The following SAMMSON variants were observed in gnomAD, a reference collection of about 807,000 sequenced individuals.
The protein encoded by SAMMSON is survival associated mitochondrial melanoma specific oncogenic non-coding RNA.
At chr3:70,234,214 C>A (rs1223734369) in intron 4 of SAMMSON, among the ~76,000 whole-genome samples, 1 of 152,168 alleles carries the variant, frequency 6.6e-6, no homozygotes, top group African/African-American at 2.4e-5. Flanking sequence ...GTATTCTAGA[C>A]ACTTAGAGGG....
intron 4 of SAMMSON, among the ~76,000 whole-genome samples, chr3:70,098,309 C>T (rs1356837493): frequency 6.6e-6 from 1 of 152,166 alleles, no homozygotes; most frequent in Non-Finnish European, 1.5e-5. Flanking sequence ...GCCTCTCTCC[C>T]TTCCCTCCTA....
intron 4 of SAMMSON, among the ~76,000 whole-genome samples, chr3:70,192,167 C>A (rs905397299): frequency 6.6e-6 from 1 of 152,148 alleles, no homozygotes; most frequent in East Asian, 1.9e-4. Context: ...CCCCTTTCCC[C>A]CAAAGTGCCC....
chr3:70,371,003 G>T (rs1358420612), intron 9 of SAMMSON, among the ~76,000 whole-genome samples: 1 of 152,046 alleles, frequency 6.6e-6, no homozygotes, highest in Non-Finnish European at 1.5e-5. Context: ...AACAGTGAGA[G>T]AAATGATTCC....
At chr3:70,144,352 A>G (rs1196675844) in intron 4 of SAMMSON, among the ~76,000 whole-genome samples, 1 of 152,032 alleles carries the variant, frequency 6.6e-6, no homozygotes, top group Non-Finnish European at 1.5e-5. Context: ...GAGAAAAACT[A>G]TAGTAGGTCC....
intron 4 of SAMMSON, among the ~76,000 whole-genome samples, chr3:70,088,285 T>A (rs908672299): frequency 1.3e-5 from 2 of 152,188 alleles, no homozygotes; most frequent in Non-Finnish European, 2.9e-5. Context: ...GTGTTCTGAT[T>A]GATTAAACCT....
intron 1 of SAMMSON, among the ~76,000 whole-genome samples, chr3:70,003,517 T>A (rs574643710): frequency 6.6e-6 from 1 of 151,994 alleles, no homozygotes; most frequent in African/African-American, 2.4e-5. Context: ...ATTAAATCTA[T>A]CTTTGACATA....
At chr3:70,312,804 C>T (rs1335613150) in intron 7 of SAMMSON, 3 of 151,772 alleles carry the variant, frequency 2.0e-5, no homozygotes, top group Non-Finnish European at 2.9e-5. Context: ...CTTCTCCAGG[C>T]TAGCACTTAT....
intron 4 of SAMMSON, among the ~76,000 whole-genome samples, chr3:70,181,526 C>A (rs542994732): frequency 1.3e-5 from 2 of 152,158 alleles, no homozygotes; most frequent in African/African-American, 2.4e-5. Context: ...CTTCTTAACC[C>A]GCAGTTTCCT....
chr3:70,329,065 C>T (rs554083729), intron 7 of SAMMSON, among the ~76,000 whole-genome samples: 1 of 152,206 alleles, frequency 6.6e-6, no homozygotes, highest in Non-Finnish European at 1.5e-5. Context: ...GCTAGCAATA[C>T]AGTACCAAAT....
chr3:70,306,418 GT>G (rs1209144999), intron 7 of SAMMSON, among the ~76,000 whole-genome samples: 2 of 152,098 alleles, frequency 1.3e-5, no homozygotes, highest in Non-Finnish European at 2.9e-5. Context: ...GCCAATAATC[GT>G]TTTTATATCA....
At chr3:70,025,677 C>CA (rs1204794207) in intron 3 of SAMMSON, among the ~76,000 whole-genome samples, 2 of 152,210 alleles carry the variant, frequency 1.3e-5, no homozygotes, top group Non-Finnish European at 2.9e-5. Flanking sequence ...CCACGCGGTT[C>CA]ACAATCTGAG....
chr3:70,086,427 A>T, intron 4 of SAMMSON, among the ~76,000 whole-genome samples: 1 of 152,332 alleles, frequency 6.6e-6, no homozygotes, highest in East Asian at 1.9e-4. Flanking sequence ...AAAGATAGAG[A>T]TCTGAGCTTT....
At chr3:70,342,614 C>T (rs1415764248) in intron 7 of SAMMSON, among the ~76,000 whole-genome samples, 1 of 152,070 alleles carries the variant, frequency 6.6e-6, no homozygotes, top group Admixed American at 6.5e-5. Context: ...AATGGAATCC[C>T]AAGTGTCTTT....
chr3:70,349,004 C>T (rs906183184), intron 7 of SAMMSON, among the ~76,000 whole-genome samples: 11 of 152,078 alleles, frequency 7.2e-5, no homozygotes, highest in African/African-American at 1.7e-4. Context: ...CAAGATGCTG[C>T]GGCTTGGTGT....
intron 3 of SAMMSON, among the ~76,000 whole-genome samples, chr3:70,017,600 G>A (rs559181559): frequency 2.8e-4 from 43 of 152,160 alleles, no homozygotes; most frequent in African/African-American, 9.4e-4. Flanking sequence ...GATTGCCCTG[G>A]CCAGAACTTC....
chr3:70,100,533 G>GAAGAAAA (rs2067340344), intron 4 of SAMMSON, among the ~76,000 whole-genome samples: 3 of 149,456 alleles, frequency 2.0e-5, no homozygotes, highest in East Asian at 2.0e-4. Context: ...GGGGGGGGGG[G>GAAGAAAA]AAGCACCAAA....
intron 1 of SAMMSON, among the ~76,000 whole-genome samples, chr3:70,001,969 T>G (rs2066907527): frequency 6.6e-6 from 1 of 152,214 alleles, no homozygotes; most frequent in Non-Finnish European, 1.5e-5. Context: ...TAAGCCAGAA[T>G]TAACTTCTGT....
At chr3:70,432,581 T>C (rs9855464) in intron 2 of SAMMSON, among the ~76,000 whole-genome samples, 87,031 of 151,734 alleles carry the variant, frequency 0.57, 25,358 homozygotes, top group South Asian at 0.69. Flanking sequence ...GCCACATCCT[T>C]ACACAGTTTC....
intron 4 of SAMMSON, among the ~76,000 whole-genome samples, chr3:70,164,035 A>G (rs889217728): frequency 2.6e-5 from 4 of 152,128 alleles, no homozygotes; most frequent in East Asian, 3.9e-4. Flanking sequence ...ACTTATCCAT[A>G]AGAGTTGATT....
Sources: gnomAD v4.1 joint callset for allele counts (sites outside exome capture counted in the v4.1 genomes callset) on GRCh38, gnomAD v4.1.1 for gene constraint, MANE v1.5 for transcripts, NCBI Gene and HGNC (gene_info 2026-07-23, HGNC 2026-07-21) for gene names.